The following ATPSCKMT variants were observed in gnomAD, a reference collection of about 807,000 sequenced individuals.
ATPSCKMT encodes the protein ATP synthase subunit C lysine N-methyltransferase.
ATPSCKMT carries 24 observed loss-of-function variants against 24.3 expected under a neutral mutation model. The observed-to-expected ratio is 0.99, with a 90% CI of 0.71 to 1.39. ATPSCKMT has a LOEUF of 1.39. Ranked by LOEUF, ATPSCKMT falls within the 40% of genes most tolerant of loss-of-function variation. ATPSCKMT has a pLI of 0.00. For synonymous variants in ATPSCKMT, 95 were observed against 110.5 expected (o/e 0.86, Z 0.88); for missense variants, 311 against 298.4 (o/e 1.04, Z -0.31).
intron 1 of ATPSCKMT, among the ~76,000 whole-genome samples, chr5:10,240,027 C>G (rs1468670196): frequency 3.3e-5 from 5 of 150,998 alleles, no homozygotes; most frequent in Middle Eastern, 3.2e-3. Flanking sequence ...GACATCGAGA[C>G]CATCCTGGCT....
rs1381317712 is a variant in ATPSCKMT at position 10,227,237 on chromosome 5, A to G, written c.*204T>C. On this transcript the variant is annotated 3_prime_UTR_variant, in exon 5 of 5. Coordinates refer to ENST00000511437, the MANE Select transcript of ATPSCKMT (RefSeq NM_199133.4). ...CCAGGTGCATGGAAAGGCAGTAAGT[A>G]CAATTTTTAAGAAAATAGCATCAAA... 2 of 586,444 alleles carry G rather than the reference A, an allele frequency of 3.4e-6. No individual in the cohort carries two copies. Among genetic ancestry groups the G allele is most frequent in the Non-Finnish European group, 5.9e-6 (2 of 336,392 alleles). The allele number at this position is 586,444 out of a possible 1,614,324, so 36.3% of individuals were successfully genotyped here.
At chr5:10,239,964 C>A (rs748322310) in intron 1 of ATPSCKMT, among the ~76,000 whole-genome samples, 36 of 152,058 alleles carry the variant, frequency 2.4e-4, no homozygotes, top group Non-Finnish European at 3.8e-4. Flanking sequence ...TGGTGGTTCA[C>A]GCCTGTAATC....
rs9284957 is a variant in ATPSCKMT at position 10,236,621 on chromosome 5, G to C, written c.307-6C>G. ...TTCTTCGCAGCCGCTATGACCTGTG[G>C]AGAGAGGCAGGATTTATTCAAAATA... is the stretch of plus-strand genomic sequence containing the variant. On this transcript the variant is annotated splice_polypyrimidine_tract_variant and splice_region_variant and intron_variant, in intron 2 of 4. Transcript: ENST00000511437. 2.0e-3 allele frequency: 3,187 copies of C among 1,611,316 alleles called. 62 individuals are homozygous for C. In the African/African-American group the frequency reaches 0.037, roughly 19 times the overall value.
At chr5:10,229,401 C>T (rs1370953373) in intron 4 of ATPSCKMT, among the ~76,000 whole-genome samples, 1 of 152,184 alleles carries the variant, frequency 6.6e-6, no homozygotes, top group African/African-American at 2.4e-5. Flanking sequence ...CAACACCCCA[C>T]CTGTGAAGCT....
intron 4 of ATPSCKMT, among the ~76,000 whole-genome samples, chr5:10,229,309 A>T (rs1744021333): frequency 6.6e-6 from 1 of 152,208 alleles, no homozygotes; most frequent in South Asian, 2.1e-4. Flanking sequence ...TGACAATAAC[A>T]TTCTTCAGTT....
At chr5:10,249,675 A>T in intron 1 of ATPSCKMT, 183 bp downstream of exon 1, 1 of 965,862 alleles carries the variant, frequency 1.0e-6, no homozygotes, top group Non-Finnish European at 1.5e-6. Flanking sequence ...GATCGCCAGA[A>T]CCGGCGCGGG....
intron 1 of ATPSCKMT, among the ~76,000 whole-genome samples, chr5:10,240,408 T>G (rs1332011795): frequency 6.6e-6 from 1 of 152,046 alleles, no homozygotes; most frequent in Non-Finnish European, 1.5e-5. Flanking sequence ...AAATTAATAT[T>G]GACAAAATTG....
intron 1 of ATPSCKMT, 50 bp from the exon 2 acceptor site, chr5:10,239,406 C>A: frequency 3.3e-6 from 5 of 1,493,138 alleles, no homozygotes; most frequent in Non-Finnish European, 4.5e-6. Flanking sequence ...AATCTGAAAT[C>A]CAAGAGAGCA....
At chr5:10,227,960 A>G (rs1743958041) in intron 4 of ATPSCKMT, among the ~76,000 whole-genome samples, 1 of 152,228 alleles carries the variant, frequency 6.6e-6, no homozygotes, top group African/African-American at 2.4e-5. Flanking sequence ...GTTTTAAATA[A>G]CGCACTTCAA....
chr5:10,248,646 C>G (rs1374315489), intron 1 of ATPSCKMT, among the ~76,000 whole-genome samples: 4 of 152,222 alleles, frequency 2.6e-5, no homozygotes, highest in Non-Finnish European at 5.9e-5. Context: ...CTCCTGGGCT[C>G]CACCCATCCT....
At chr5:10,236,869 T>G in intron 2 of ATPSCKMT, 1 of 1,444,760 alleles carries the variant, frequency 6.9e-7, no homozygotes, top group Non-Finnish European at 9.2e-7. Flanking sequence ...TCAGGTTCAC[T>G]TGGAACACCT....
intron 4 of ATPSCKMT, among the ~76,000 whole-genome samples, chr5:10,230,844 T>C (rs7704126): frequency 0.61 from 92,906 of 151,774 alleles, 29,699 homozygotes; most frequent in East Asian, 0.87. Flanking sequence ...CCTAATTTCC[T>C]AGACCTCTAA....
intron 4 of ATPSCKMT, among the ~76,000 whole-genome samples, chr5:10,231,762 G>A (rs906993137): frequency 2.0e-5 from 3 of 152,122 alleles, no homozygotes; most frequent in Admixed American, 6.5e-5. Context: ...GTTTTCTCTT[G>A]TACTCACTGA....
chr5:10,245,996 A>G (rs1047341673), intron 1 of ATPSCKMT, among the ~76,000 whole-genome samples: 4 of 152,232 alleles, frequency 2.6e-5, no homozygotes, highest in Non-Finnish European at 5.9e-5. Flanking sequence ...ATTCAGATAC[A>G]TGCAACCATC....
At chr5:10,249,437 C>T (rs1745178610) in intron 1 of ATPSCKMT, 3 of 202,838 alleles carry the variant, frequency 1.5e-5, no homozygotes. Context: ...CACAGCAGCC[C>T]TGTGAGTAGG....
At chr5:10,235,315 A>C in intron 3 of ATPSCKMT, 54 bp from the exon 4 acceptor site, 1 of 1,497,820 alleles carries the variant, frequency 6.7e-7, no homozygotes, top group Non-Finnish European at 9.2e-7. Context: ...CCAAACGTGA[A>C]GCTTAACTTG....
chr5:10,239,468 A>G, intron 1 of ATPSCKMT, 112 bp from the exon 2 acceptor site: 2 of 901,482 alleles, frequency 2.2e-6, no homozygotes, highest in Admixed American at 5.6e-5. Context: ...TTAAAGGATA[A>G]TTTAGCTGAA....
At chr5:10,240,237 A>T (rs13160648) in intron 1 of ATPSCKMT, among the ~76,000 whole-genome samples, 47,671 of 151,180 alleles carry the variant, frequency 0.32, 8,083 homozygotes, top group African/African-American at 0.42. Flanking sequence ...CTGTCTCAAA[A>T]AAAAAAAAAA....
intron 4 of ATPSCKMT, among the ~76,000 whole-genome samples, chr5:10,232,344 T>G (rs959586413): frequency 6.6e-6 from 1 of 152,248 alleles, no homozygotes; most frequent in East Asian, 1.9e-4. Flanking sequence ...AACAACCGTT[T>G]ACTGAGTGAT....
Sources: allele counts gnomAD v4.1 joint callset (sites outside exome capture counted in the v4.1 genomes callset), GRCh38; gene constraint gnomAD v4.1.1; transcripts MANE v1.5; gene names NCBI Gene and HGNC (gene_info 2026-07-23, HGNC 2026-07-21).